CAMK4: variants seen among roughly 807,000 people sequenced by gnomAD.
The protein encoded by CAMK4 is calcium/calmodulin dependent protein kinase IV.
In CAMK4, 22 loss-of-function variants were observed where a neutral mutation model predicts 44.9. The observed-to-expected ratio is 0.49, with a 90% confidence interval of 0.35 to 0.70. CAMK4 has a LOEUF of 0.70. Among genes scored for constraint, CAMK4 ranks in the 30% least tolerant of loss-of-function variants. The pLI is 0.01. For synonymous variants in CAMK4, 218 were observed against 215.4 expected, an observed-to-expected ratio of 1.01 and a Z score of -0.11; for missense variants, 498 against 586.8, an observed-to-expected ratio of 0.85 and a Z score of 1.56.
chr5:111,380,559 A>G (rs900140726), intron 4 of CAMK4, among the ~76,000 whole-genome samples: 2 of 151,988 alleles, frequency 1.3e-5, no homozygotes, highest in Admixed American at 6.6e-5. Context: ...TTTCCCCACT[A>G]TGTGTCCATG....
chr5:111,345,177 A>T (rs1274557885), intron 2 of CAMK4, among the ~76,000 whole-genome samples: 1 of 151,942 alleles, frequency 6.6e-6, no homozygotes, highest in African/African-American at 2.4e-5. Context: ...TTTTCAGCTA[A>T]ATAGAAATAG....
chr5:111,417,578 C>G (rs960994952), intron 5 of CAMK4, among the ~76,000 whole-genome samples: 2 of 152,046 alleles, frequency 1.3e-5, no homozygotes, highest in African/African-American at 4.8e-5. Context: ...AGGGTGATCT[C>G]AAACTGGGCT....
intron 1 of CAMK4, among the ~76,000 whole-genome samples, chr5:111,330,111 C>T (rs373834192): frequency 1.5e-5 from 2 of 137,244 alleles, no homozygotes; most frequent in African/African-American, 5.3e-5. Flanking sequence ...AAAAAACAAA[C>T]AAATAAAAAA....
In CAMK4 at chr5:111,312,272, T is replaced by C. The variant is rs138400748; in HGVS notation, c.162-31752T>C. 4.8e-3 allele frequency among the ~76,000 whole-genome samples: 736 copies of C among 152,236 alleles called. 3 individuals are homozygous for C. Among genetic ancestry groups the C allele is most frequent in the Non-Finnish European group, 5.6e-3 (381 of 67,998 alleles). On this transcript the variant is annotated intron_variant, in intron 1 of 10. Coordinates refer to ENST00000282356, the MANE Select transcript of CAMK4 (RefSeq NM_001744.6). ...TCACCAAACAAGCCAGATATCATGG[T>C]GGTTATAGGCGTAGACTTTAATACT...
At chr5:111,271,813 C>T (rs1337063418) in intron 1 of CAMK4, among the ~76,000 whole-genome samples, 2 of 152,044 alleles carry the variant, frequency 1.3e-5, no homozygotes, top group African/African-American at 4.8e-5. Context: ...AGTTTTCTTT[C>T]CAGGACACTG....
intron 2 of CAMK4, among the ~76,000 whole-genome samples, chr5:111,347,347 G>C (rs937786812): frequency 6.6e-6 from 1 of 151,976 alleles, no homozygotes; most frequent in East Asian, 1.9e-4. Flanking sequence ...AACAGCTCAA[G>C]GATATGAGAT....
At chr5:111,412,270 A>C (rs1752657632) in intron 5 of CAMK4, among the ~76,000 whole-genome samples, 1 of 151,784 alleles carries the variant, frequency 6.6e-6, no homozygotes, top group African/African-American at 2.4e-5. Flanking sequence ...AGTTTTCCCA[A>C]AGAGGAGATG....
At chr5:111,452,379 T>C (rs1369398846) in intron 7 of CAMK4, among the ~76,000 whole-genome samples, 1 of 152,240 alleles carries the variant, frequency 6.6e-6, no homozygotes, top group African/African-American at 2.4e-5. Flanking sequence ...CAAAGGTTTT[T>C]AATCAAGGCA....
chr5:111,299,899 C>T (rs1335410772), intron 1 of CAMK4, among the ~76,000 whole-genome samples: 2 of 151,918 alleles, frequency 1.3e-5, no homozygotes, highest in East Asian at 3.9e-4. Context: ...TTGTGGTTGC[C>T]AAGTTTATTA....
intron 5 of CAMK4, among the ~76,000 whole-genome samples, chr5:111,407,847 T>G (rs1752493483): frequency 6.6e-6 from 1 of 152,152 alleles, no homozygotes. Flanking sequence ...ATGACTAGGC[T>G]GGGCATGGTG....
intron 1 of CAMK4, among the ~76,000 whole-genome samples, chr5:111,264,300 C>T (rs1166294357): frequency 6.6e-6 from 1 of 152,104 alleles, no homozygotes; most frequent in Non-Finnish European, 1.5e-5. Context: ...CAGTGGTTAC[C>T]AGTCGCTCCA....
chr5:111,317,774 G>T (rs1158378134), intron 1 of CAMK4, among the ~76,000 whole-genome samples: 1 of 151,902 alleles, frequency 6.6e-6, no homozygotes, highest in Non-Finnish European at 1.5e-5. Context: ...TTGGTTTAAT[G>T]CTCTGCCATG....
intron 7 of CAMK4, among the ~76,000 whole-genome samples, chr5:111,467,970 A>ACACC (rs1217361901): frequency 2.7e-5 from 4 of 148,614 alleles, no homozygotes; most frequent in African/African-American, 9.9e-5. Context: ...ACACACACAC[A>ACACC]CCATGGAATA....
chr5:111,241,269 T>TA (rs770884214), intron 1 of CAMK4, among the ~76,000 whole-genome samples: 1 of 152,196 alleles, frequency 6.6e-6, no homozygotes, highest in South Asian at 2.1e-4. Context: ...CTCAGTTTCT[T>TA]AGTCTTTGCC....
chr5:111,462,817 C>A (rs1580786359), intron 7 of CAMK4, among the ~76,000 whole-genome samples: 1 of 152,248 alleles, frequency 6.6e-6, no homozygotes, highest in East Asian at 1.9e-4. Flanking sequence ...AAACTAGTTA[C>A]AATGATTTTA....
At chr5:111,372,894 T>C (rs975993794) in intron 2 of CAMK4, among the ~76,000 whole-genome samples, 1 of 152,190 alleles carries the variant, frequency 6.6e-6, no homozygotes, top group African/African-American at 2.4e-5. Flanking sequence ...TGCTTTTCTC[T>C]GCTCACAGTG....
At chr5:111,264,369 G>T (rs1750135339) in intron 1 of CAMK4, among the ~76,000 whole-genome samples, 1 of 152,166 alleles carries the variant, frequency 6.6e-6, no homozygotes, top group Non-Finnish European at 1.5e-5. Flanking sequence ...ATAAACAACT[G>T]GTGGAGGACC....
chr5:111,449,066 C>A, intron 6 of CAMK4, 63 bp from the exon 7 acceptor site: 2 of 744,748 alleles, frequency 2.7e-6, no homozygotes, highest in Non-Finnish European at 4.7e-6. Context: ...TTTTGAATAA[C>A]AAATATTTTG....
intron 7 of CAMK4, chr5:111,449,996 A>G (rs1008554726): frequency 6.6e-6 from 1 of 152,254 alleles, no homozygotes; most frequent in African/African-American, 2.4e-5. Flanking sequence ...CAATCACAAG[A>G]TTAGTGATCC....
Sources: allele counts gnomAD v4.1 joint callset (sites outside exome capture counted in the v4.1 genomes callset), GRCh38; gene constraint gnomAD v4.1.1; transcripts MANE v1.5; gene names NCBI Gene and HGNC (gene_info 2026-07-23, HGNC 2026-07-21).